Variants in TP63 observed in about 807,000 individuals in gnomAD.
TP63 encodes the protein tumor protein p63.
Under a neutral mutation model 82.8 loss-of-function variants are expected in TP63, and 17 were observed. That is an observed-to-expected ratio of 0.21 (90% CI 0.14 to 0.31). The LOEUF (loss-of-function observed/expected upper bound fraction) is 0.31. TP63 is among the 10% of genes least tolerant of loss of function. TP63 has a pLI of 1.00. For missense variants in TP63, 648 were observed against 895.3 expected (o/e 0.72, Z 3.52); for synonymous variants, 330 against 321.7 (o/e 1.03, Z -0.28).
At chr3:189,770,818 A>G (rs1298733891) in intron 3 of TP63, among the ~76,000 whole-genome samples, 2 of 152,198 alleles carry the variant, frequency 1.3e-5, no homozygotes, top group Non-Finnish European at 2.9e-5. Flanking sequence ...AGTCACTTCC[A>G]CTGTATAAAT....
chr3:189,856,283 T>A (rs1716280391), intron 4 of TP63, among the ~76,000 whole-genome samples: 1 of 151,374 alleles, frequency 6.6e-6, no homozygotes, highest in South Asian at 2.1e-4. Context: ...TGAGTAAGTG[T>A]TGTATTTGAT....
the TP63 span, among the ~76,000 whole-genome samples, chr3:189,620,876 A>C: frequency 6.6e-6 from 1 of 152,186 alleles, no homozygotes; most frequent in African/African-American, 2.4e-5. Context: ...TTTTTCTTGA[A>C]CCAGAGGTTG....
chr3:189,726,231 C>T (rs952683530), intron 1 of TP63, among the ~76,000 whole-genome samples: 3 of 152,056 alleles, frequency 2.0e-5, no homozygotes, highest in African/African-American at 4.8e-5. Flanking sequence ...CACTGAGTAG[C>T]GGCAGTCCAA....
intron 4 of TP63, among the ~76,000 whole-genome samples, chr3:189,826,519 A>T (rs1373506793): frequency 6.6e-6 from 1 of 152,268 alleles, no homozygotes; most frequent in Non-Finnish European, 1.5e-5. Flanking sequence ...AATACGAAGG[A>T]ACTATTCCAA....
rs1447477953 is a variant in TP63 at position 189,864,244 on chromosome 3, C to T, written c.592C>T (p.Leu198=). The T allele has an allele frequency of 1.2e-6, 2 of 1,614,018 alleles. No individual in the cohort carries two copies. Among genetic ancestry groups the T allele is most frequent in the African/African-American group, 1.3e-5 (1 of 74,922 alleles). ...KSATWTYSTE[L]KKLYCQIAKT... is the part of the protein sequence containing the mutation. Reference sequence around the variant, plus strand: ...CAACTCTAAGCAGTATTCCACTGAACTGAAGAAACTCTACTGCCAAATTGC... The same window carrying T: ...CAACTCTAAGCAGTATTCCACTGAATTGAAGAAACTCTACTGCCAAATTGC... The change falls in exon 5 of 14, where the codon CTG becomes TTG. Residue 198 remains leucine (L), a synonymous_variant. Coordinates refer to ENST00000264731, the MANE Select transcript of TP63 (RefSeq NM_003722.5).
At chr3:189,646,942 A>G (rs953605167) in intron 1 of TP63, among the ~76,000 whole-genome samples, 1 of 147,260 alleles carries the variant, frequency 6.8e-6, no homozygotes, top group Middle Eastern at 3.4e-3. Flanking sequence ...GTCATAAGAG[A>G]ATGCCACGAT....
At chr3:189,608,072 T>C in the TP63 span, among the ~76,000 whole-genome samples, 1 of 152,200 alleles carries the variant, frequency 6.6e-6, no homozygotes, top group Non-Finnish European at 1.5e-5. Flanking sequence ...AGTTCATTAA[T>C]TACAATAACC....
intron 4 of TP63, among the ~76,000 whole-genome samples, chr3:189,827,848 ACAT>A (rs1711642228): frequency 6.6e-6 from 1 of 152,162 alleles, no homozygotes; most frequent in African/African-American, 2.4e-5. Context: ...TTGGGAGATG[ACAT>A]CATGTTCTGT....
At chr3:189,641,642 C>G (rs1039291556) in intron 1 of TP63, among the ~76,000 whole-genome samples, 9 of 152,106 alleles carry the variant, frequency 5.9e-5, no homozygotes, top group African/African-American at 2.2e-4. Context: ...CTCATCATAT[C>G]TATGTAATTT....
At chr3:189,654,212 T>G (rs960737835) in intron 1 of TP63, among the ~76,000 whole-genome samples, 4 of 150,990 alleles carry the variant, frequency 2.6e-5, no homozygotes, top group Admixed American at 6.6e-5. Flanking sequence ...AACAAACATT[T>G]AAGTAAAAGA....
chr3:189,692,631 T>G (rs2108723813), intron 1 of TP63, among the ~76,000 whole-genome samples: 1 of 152,272 alleles, frequency 6.6e-6, no homozygotes, highest in South Asian at 2.1e-4. Context: ...ATGCATTTTA[T>G]TTTTGGACTT....
chr3:189,889,717 C>T (rs1720823546), intron 12 of TP63, among the ~76,000 whole-genome samples: 1 of 152,216 alleles, frequency 6.6e-6, no homozygotes, highest in Non-Finnish European at 1.5e-5. Flanking sequence ...ATATTGTTTT[C>T]ATGTCTGTTT....
intron 3 of TP63, among the ~76,000 whole-genome samples, chr3:189,778,554 C>G (rs955742846): frequency 1.3e-5 from 2 of 152,130 alleles, no homozygotes; most frequent in Non-Finnish European, 2.9e-5. Context: ...GAGGATTGTG[C>G]ATGAGTTTTA....
chr3:189,735,642 T>C (rs1457027459), intron 1 of TP63, among the ~76,000 whole-genome samples: 1 of 152,196 alleles, frequency 6.6e-6, no homozygotes, highest in African/African-American at 2.4e-5. Context: ...TGCCCTTTTG[T>C]TGTCTTACCT....
At chr3:189,854,658 C>A (rs1716069295) in intron 4 of TP63, among the ~76,000 whole-genome samples, 1 of 152,266 alleles carries the variant, frequency 6.6e-6, no homozygotes, top group Admixed American at 6.5e-5. Context: ...TAGGATAGAA[C>A]TGAAAAATGT....
chr3:189,732,778 G>A (rs11715415), intron 1 of TP63, among the ~76,000 whole-genome samples: 74,793 of 152,006 alleles, frequency 0.49, 20,070 homozygotes, highest in African/African-American at 0.73. Flanking sequence ...TCAAGGAGCT[G>A]TAAAACCACA....
chr3:189,680,004 GTC>G lies in TP63; in HGVS notation c.62+48429_62+48430del, dbSNP rs1429203745. On this transcript the variant is annotated intron_variant, in intron 1 of 13. Transcript: ENST00000264731. Reference sequence around the variant, plus strand: ...TTAGTTTTTATGACAGTACCACACTGTCTTAATTTTGAAACCAGGTAATGTGA... The same window carrying G: ...TTAGTTTTTATGACAGTACCACACTGTTAATTTTGAAACCAGGTAATGTGA... Among the ~76,000 whole-genome samples, 3 of 152,044 alleles carry G rather than the reference GTC, an allele frequency of 2.0e-5. No individual in the cohort carries two copies. In the East Asian group the frequency reaches 5.8e-4, roughly 29 times the overall value.
chr3:189,628,742 C>G (rs199908869), upstream of TP63, among the ~76,000 whole-genome samples: 5 of 152,096 alleles, frequency 3.3e-5, no homozygotes, highest in East Asian at 9.7e-4. Flanking sequence ...ACCTTAGTCC[C>G]CTAAGAGAAT....
the TP63 span, among the ~76,000 whole-genome samples, chr3:189,607,255 G>A: frequency 6.6e-6 from 1 of 152,192 alleles, no homozygotes; most frequent in South Asian, 2.1e-4. Context: ...AAGAACATTA[G>A]TAGCAAAACT....
Sources: allele counts gnomAD v4.1 joint callset (sites outside exome capture counted in the v4.1 genomes callset), GRCh38; gene constraint gnomAD v4.1.1; transcripts MANE v1.5; gene names NCBI Gene and HGNC (gene_info 2026-07-23, HGNC 2026-07-21).